The following ZFP90 variants were observed in gnomAD, a reference collection of about 807,000 sequenced individuals.
ZFP90 encodes ZFP90 zinc finger protein.
In ZFP90, 38 loss-of-function variants were observed where a neutral mutation model predicts 60.8. That is an observed-to-expected ratio of 0.62 (90% CI 0.48 to 0.82). ZFP90 has a LOEUF of 0.82. Ranked by LOEUF, ZFP90 falls within the 40% of genes least tolerant of loss-of-function variation. The pLI is 0.00. For missense variants in ZFP90, 711 were observed against 759.1 expected, an observed-to-expected ratio of 0.94 and a Z score of 0.74; for synonymous variants, 287 against 264.8, an observed-to-expected ratio of 1.08 and a Z score of -0.82.
Position 68,565,961 on chromosome 16 carries a change from TAAAAAA to T in ZFP90, c.*1273_*1278del, listed in dbSNP as rs58312180. ...ACAACATGGTGAAACCCCATCTCTT[TAAAAAA>T]AAAAAAAAATCCAAAAATTAGCTGG... On this transcript the variant is annotated 3_prime_UTR_variant, in exon 5 of 5. Transcript: ENST00000563169. 2.7e-5 allele frequency: 16 copies of T among 585,882 alleles called. No homozygotes were observed. Among genetic ancestry groups the T allele is most frequent in the Non-Finnish European group, 3.2e-5 (15 of 470,698 alleles). The allele number at this position is 585,882 out of a possible 1,614,324, so 36.3% of individuals were successfully genotyped here.
chr16:68,540,911 C>CTTTT (rs34827177), intron 2 of ZFP90, among the ~76,000 whole-genome samples: 1 of 125,716 alleles, frequency 8.0e-6, no homozygotes, highest in Non-Finnish European at 1.6e-5. Flanking sequence ...TACATCATGC[C>CTTTT]TTTTTTTTTT....
At chr16:68,539,666 G>A (rs1218661154) in intron 1 of ZFP90, 92 bp from the exon 2 acceptor site, 1 of 1,013,694 alleles carries the variant, frequency 9.9e-7, no homozygotes, top group Non-Finnish European at 1.4e-6. Context: ...ATCTCCCCTG[G>A]AGATGTGGTT....
chr16:68,554,150 C>T (rs1423075540), intron 2 of ZFP90, among the ~76,000 whole-genome samples: 3 of 147,396 alleles, frequency 2.0e-5, no homozygotes, highest in East Asian at 4.0e-4. Context: ...GAGATGGAGT[C>T]TCGCTCTGTT....
rs1458412000 is a variant in ZFP90, at chr16:68,558,532, A to G, written c.220A>G (p.Ile74Val). The G allele has an allele frequency of 3.1e-6, 5 of 1,613,942 alleles. No homozygotes were observed. The Admixed American group carries it at 6.7e-5, about 22-fold the overall frequency. The change falls in exon 4 of 5, where the codon ATA (isoleucine) becomes GTA (valine). Residue 74 changes from isoleucine (I) to valine (V), a missense_variant. This residue lies in a region of ZFP90 where 241 missense variants were observed against 247.6 expected (regional missense o/e 0.97). Transcript: ENST00000563169. ...FKLEQGEEPW[I>V]SEGEIQRPFY... The stretch of plus-strand genomic sequence containing the variant: ...ATTGGAGCAAGGAGAAGAGCCATGG[A>G]TATCAGAGGGAGAAATCCAACGACC...
downstream of ZFP90, among the ~76,000 whole-genome samples, chr16:68,576,273 T>C (rs142994025): frequency 2.6e-4 from 40 of 152,294 alleles, no homozygotes; most frequent in African/African-American, 7.9e-4. Context: ...ACAAGACTTA[T>C]CTTTATTTGA....
In ZFP90 at chr16:68,563,306, A is replaced by G. The variant is rs756550782; in HGVS notation, c.519A>G (p.Gln173=). 2.5e-6 allele frequency: 4 copies of G among 1,614,082 alleles called. No homozygotes were observed. Among genetic ancestry groups the G allele is most frequent in the African/African-American group, 2.7e-5 (2 of 74,942 alleles). Reference sequence around the variant, plus strand: ...GATTGAACACCAATTTGGTTACACAACTGAACATTCCTGCAAGAATAAGGC... The same window carrying G: ...GATTGAACACCAATTTGGTTACACAGCTGAACATTCCTGCAAGAATAAGGC... ...NSRLNTNLVT[Q]LNIPARIRPS... Residue 173 remains glutamine, a synonymous_variant, in exon 5 of 5, where the codon CAA becomes CAG. Coordinates refer to ENST00000563169, the MANE Select transcript of ZFP90 (RefSeq NM_001305203.2).
At chr16:68,576,302 G>A (rs566304277), downstream of ZFP90, among the ~76,000 whole-genome samples, 21 of 152,276 alleles carry the variant, frequency 1.4e-4, no homozygotes, top group African/African-American at 5.1e-4. Flanking sequence ...AGTGCAAACA[G>A]CCTTTTCCCC....
chr16:68,570,941 C>T (rs1752874613), downstream of ZFP90, among the ~76,000 whole-genome samples: 1 of 152,214 alleles, frequency 6.6e-6, no homozygotes, highest in South Asian at 2.1e-4. Context: ...AAGCAACCCT[C>T]AGATGCTGAA....
At chr16:68,561,378 T>C (rs1240037998) in intron 4 of ZFP90, among the ~76,000 whole-genome samples, 3 of 152,242 alleles carry the variant, frequency 2.0e-5, no homozygotes, top group African/African-American at 7.2e-5. Flanking sequence ...ATGCAGCATA[T>C]CTTTTTCCTC....
At chr16:68,539,969 C>T in intron 2 of ZFP90, 144 bp downstream of exon 2, 1 of 1,258,100 alleles carries the variant, frequency 7.9e-7, no homozygotes, top group Non-Finnish European at 1.1e-6. Context: ...CATGGAAAAC[C>T]CCAGGCTTTG....
At chr16:68,560,213 G>A (rs992652330) in intron 4 of ZFP90, among the ~76,000 whole-genome samples, 12 of 152,154 alleles carry the variant, frequency 7.9e-5, no homozygotes, top group Non-Finnish European at 1.0e-4. Context: ...TGTACAAACA[G>A]CAACACTATC....
intron 2 of ZFP90, chr16:68,533,871 T>G (rs548244334): frequency 6.6e-6 from 1 of 152,312 alleles, no homozygotes; most frequent in East Asian, 1.9e-4. Context: ...CTGTTTTTTC[T>G]CTCTAGGATT....
At chr16:68,538,760 GC>G (rs2090982237), upstream of ZFP90, among the ~76,000 whole-genome samples, 1 of 151,816 alleles carries the variant, frequency 6.6e-6, no homozygotes, top group Non-Finnish European at 1.5e-5. Context: ...ACAAAATCCT[GC>G]GTAAGGGGAT....
chr16:68,569,136 CTTTTT>C (rs35827680), downstream of ZFP90, among the ~76,000 whole-genome samples: 4 of 123,046 alleles, frequency 3.3e-5, no homozygotes, highest in Non-Finnish European at 6.5e-5. Flanking sequence ...ATTAGTCCCA[CTTTTT>C]TTTTTTTTTT....
At chr16:68,537,311 A>G (rs1402350760), upstream of ZFP90, among the ~76,000 whole-genome samples, 5 of 152,012 alleles carry the variant, frequency 3.3e-5, no homozygotes, top group East Asian at 9.7e-4. Context: ...TGTTTAGTAG[A>G]GATGGGGTTT....
At chr16:68,553,181 A>G (rs1322636198) in intron 2 of ZFP90, among the ~76,000 whole-genome samples, 1 of 152,214 alleles carries the variant, frequency 6.6e-6, no homozygotes. Flanking sequence ...GCTTTGGGAT[A>G]TAGACCGTAA....
In ZFP90 at chr16:68,565,133, C is replaced by G; in HGVS notation, c.*435C>G. On this transcript the variant is annotated 3_prime_UTR_variant, in exon 5 of 5. Transcript: ENST00000563169. Reference sequence around the variant, plus strand: ...ATTAACTTCACCATGGAAACCAGTTCCAACTCCAGGAAGTCACCATTCAAA... The same window carrying G: ...ATTAACTTCACCATGGAAACCAGTTGCAACTCCAGGAAGTCACCATTCAAA... 2.0e-6 allele frequency: 2 copies of G among 992,956 alleles called. No homozygotes were observed. The allele number at this position is 992,956 out of a possible 1,614,324, so 61.5% of individuals were successfully genotyped here.
intron 2 of ZFP90, chr16:68,573,928 A>G (rs530863220): frequency 6.6e-6 from 1 of 152,362 alleles, no homozygotes; most frequent in African/African-American, 2.4e-5. Context: ...GGCCATGTGC[A>G]GTGCTGAGTT....
chr16:68,565,613 A>G lies in ZFP90; in HGVS notation c.*915A>G, dbSNP rs2091513461. 4 of 985,466 alleles carry G rather than the reference A, an allele frequency of 4.1e-6. No individual in the cohort carries two copies. Among genetic ancestry groups the G allele is most frequent in the Non-Finnish European group, 4.8e-6 (4 of 829,922 alleles). 61.0% of individuals were successfully genotyped at this position (985,466 alleles called of 1,614,324 possible). A position where few individuals can be genotyped will look rare whatever the true frequency, so the allele number is the denominator to read the frequency against. Reference sequence around the variant, plus strand: ...TTTCACAGAACTATTAAGTCCCCTTATTGTACTTTTTATGGCATGCCCATG... The same window carrying G: ...TTTCACAGAACTATTAAGTCCCCTTGTTGTACTTTTTATGGCATGCCCATG... On this transcript the variant is annotated 3_prime_UTR_variant, in exon 5 of 5. Coordinates refer to ENST00000563169, the MANE Select transcript of ZFP90 (RefSeq NM_001305203.2).
Sources: gnomAD v4.1 joint callset for allele counts (sites outside exome capture counted in the v4.1 genomes callset) on GRCh38, gnomAD v4.1.1 for gene constraint, gnomAD v4.1.1 regional missense constraint, MANE v1.5 for transcripts, NCBI Gene and HGNC (gene_info 2026-07-23, HGNC 2026-07-21) for gene names.